TECPR2: variants seen among roughly 807,000 people sequenced by gnomAD.
TECPR2 encodes the protein tectonin beta-propeller repeat-containing protein 2.
Under a neutral mutation model 138.1 loss-of-function variants are expected in TECPR2, and 65 were observed. The ratio of observed to expected loss-of-function variants is 0.47; its 90% confidence interval spans 0.39 to 0.58. TECPR2 has a LOEUF of 0.58. Among genes scored for constraint, TECPR2 ranks in the 20% least tolerant of loss-of-function variants. TECPR2 has a pLI of 0.00. For synonymous variants in TECPR2, 746 were observed against 749.8 expected, an observed-to-expected ratio of 0.99 and a Z score of 0.08; for missense variants, 1,553 against 1,824.5, an observed-to-expected ratio of 0.85 and a Z score of 2.71.
Position 102,437,889 on chromosome 14 carries a change from G to T in TECPR2, c.2395-133G>T, listed in dbSNP as rs1430388272. On this transcript the variant is annotated intron_variant, in intron 9 of 19. Coordinates refer to ENST00000359520, the MANE Select transcript of TECPR2 (RefSeq NM_014844.5). The stretch of plus-strand genomic sequence containing the variant: ...ACAGATAGCAGGGGTTGGGAGAAGG[G>T]TTGACTTGGCGTCTTGCTGACCCGT... The T allele has an allele frequency of 7.7e-6, 8 of 1,037,732 alleles. No homozygotes were observed. In the Admixed American group the frequency reaches 1.2e-4, roughly 15 times the overall value. The allele number at this position is 1,037,732 out of a possible 1,614,324, so 64.3% of individuals were successfully genotyped here.
intron 17 of TECPR2, among the ~76,000 whole-genome samples, chr14:102,495,314 C>T (rs753912652): frequency 7.9e-5 from 12 of 152,210 alleles, no homozygotes; most frequent in African/African-American, 2.4e-4. Context: ...TGCGGAGCTG[C>T]GACCAAGTCT....
chr14:102,456,746 C>T lies in TECPR2; in HGVS notation c.3640+4119C>T, dbSNP rs983269363. Reference sequence around the variant, plus strand: ...CTGGGACTACAGGCTCCCAACACCACGCCTGGCTAATTTTTTGTATTTTTA... The same window carrying T: ...CTGGGACTACAGGCTCCCAACACCATGCCTGGCTAATTTTTTGTATTTTTA... On this transcript the variant is annotated intron_variant, in intron 16 of 19. Coordinates refer to ENST00000359520, the MANE Select transcript of TECPR2 (RefSeq NM_014844.5). Among the ~76,000 whole-genome samples the T allele has an allele frequency of 9.9e-5, 15 of 151,230 alleles. No homozygotes were observed. In the East Asian group the frequency reaches 2.0e-3, roughly 20 times the overall value.
chr14:102,398,110 A>T (rs1448426090), intron 2 of TECPR2, among the ~76,000 whole-genome samples: 5 of 151,576 alleles, frequency 3.3e-5, no homozygotes, highest in Non-Finnish European at 7.4e-5. Flanking sequence ...AAAGAAAAGA[A>T]AAAGGAAAAC....
intron 13 of TECPR2, among the ~76,000 whole-genome samples, chr14:102,447,616 C>A (rs1006882787): frequency 2.0e-5 from 3 of 151,902 alleles, no homozygotes; most frequent in African/African-American, 7.3e-5. Context: ...CTCACTGCAA[C>A]CTCCGCCTCC....
intron 2 of TECPR2, among the ~76,000 whole-genome samples, chr14:102,387,915 C>G (rs1888056450): frequency 6.6e-6 from 1 of 152,188 alleles, no homozygotes; most frequent in Admixed American, 6.6e-5. Context: ...GACCAACACA[C>G]CATACTGACA....
Position 102,438,770 on chromosome 14 carries a change from C to G in TECPR2, c.2578+565C>G, listed in dbSNP as rs555454232. The stretch of plus-strand genomic sequence containing the variant: ...CTGCTGTTAGGCCATTGTTAGTGAA[C>G]TGGAGCTGGTGTTTCCTGAACGATG... On this transcript the variant is annotated intron_variant, in intron 10 of 19. Coordinates refer to ENST00000359520, the MANE Select transcript of TECPR2 (RefSeq NM_014844.5). 2.6e-5 allele frequency among the ~76,000 whole-genome samples: 4 copies of G among 152,226 alleles called. No homozygotes were observed. In the East Asian group the frequency reaches 7.7e-4, roughly 29 times the overall value.
intron 17 of TECPR2, among the ~76,000 whole-genome samples, chr14:102,486,795 G>T (rs1457396616): frequency 6.6e-6 from 1 of 152,192 alleles, no homozygotes; most frequent in Non-Finnish European, 1.5e-5. Flanking sequence ...TGTCAGCCCT[G>T]GCTCTGAGAA....
chr14:102,474,489 T>G (rs1890714324), intron 17 of TECPR2, among the ~76,000 whole-genome samples: 1 of 151,500 alleles, frequency 6.6e-6, no homozygotes, highest in African/African-American at 2.4e-5. Context: ...CTGGGTGTGG[T>G]GGTGCATGCC....
At chr14:102,435,303 G>T in intron 9 of TECPR2, 92 bp downstream of exon 9, 1 of 1,480,356 alleles carries the variant, frequency 6.8e-7, no homozygotes, top group South Asian at 1.4e-5. Flanking sequence ...CTCATGGAAA[G>T]AAATTCTATT....
chr14:102,368,256 G>A (rs1887399729), intron 1 of TECPR2, among the ~76,000 whole-genome samples: 1 of 151,980 alleles, frequency 6.6e-6, no homozygotes, highest in Non-Finnish European at 1.5e-5. Context: ...TGATCCACCT[G>A]CGTTGGCCTC....
chr14:102,433,498 A>T (rs960232795), intron 8 of TECPR2, among the ~76,000 whole-genome samples: 2 of 148,128 alleles, frequency 1.4e-5, no homozygotes, highest in African/African-American at 5.1e-5. Context: ...CTTTATTTTT[A>T]TTTATTTATT....
At chr14:102,432,780 C>T (rs1241709306) in intron 8 of TECPR2, among the ~76,000 whole-genome samples, 3 of 151,700 alleles carry the variant, frequency 2.0e-5, no homozygotes, top group Non-Finnish European at 2.9e-5. Context: ...CCGAGGCAGG[C>T]GGATCACGAG....
intron 16 of TECPR2, among the ~76,000 whole-genome samples, chr14:102,459,172 G>T (rs181210878): frequency 3.7e-4 from 57 of 152,050 alleles, no homozygotes; most frequent in Non-Finnish European, 6.3e-4. Context: ...CTCCAGTGAT[G>T]CTCCCACATC....
Position 102,425,094 on chromosome 14 carries a change from C to G in TECPR2, c.754C>G (p.Gln252Glu), listed in dbSNP as rs147010113. ...GAAGGCTGATGTCCACGGGACTGTTCAAGCCACGTTTATCTTAAAAGATGC... is the reference window on the plus strand; with the variant it reads ...GAAGGCTGATGTCCACGGGACTGTTGAAGCCACGTTTATCTTAAAAGATGC... The part of the protein sequence containing the change: ...LWKADVHGTV[Q>E]ATFILKDAFA... Residue 252 changes from glutamine (Q) to glutamate (E), a missense_variant, in exon 6 of 20, where the codon CAA (glutamine) becomes GAA (glutamate). Gln to Glu is a conservative substitution (Grantham distance 29). Transcript: ENST00000359520. 4 of 1,614,110 alleles carry G rather than the reference C, an allele frequency of 2.5e-6. No individual in the cohort carries two copies. Among genetic ancestry groups the G allele is most frequent in the Non-Finnish European group, 3.4e-6 (4 of 1,180,034 alleles).
intron 17 of TECPR2, among the ~76,000 whole-genome samples, chr14:102,471,193 C>G (rs932223190): frequency 6.6e-6 from 1 of 151,906 alleles, no homozygotes; most frequent in South Asian, 2.1e-4. Flanking sequence ...CTCAAGTGAT[C>G]TTCCCACCTC....
chr14:102,438,297 C>A, intron 10 of TECPR2, 92 bp downstream of exon 10: 4 of 1,436,338 alleles, frequency 2.8e-6, no homozygotes, highest in Non-Finnish European at 2.8e-6. Context: ...GTACAGGGCT[C>A]CCCTGCAGCA....
intron 16 of TECPR2, among the ~76,000 whole-genome samples, chr14:102,463,416 C>CAAAAAAAAAAA (rs550694466): frequency 2.6e-5 from 1 of 38,524 alleles, no homozygotes; most frequent in Non-Finnish European, 5.6e-5. Flanking sequence ...GACTCCGTCT[C>CAAAAAAAAAAA]AAAAAAAAAA....
At chr14:102,422,401 C>T (rs976717160) in intron 5 of TECPR2, among the ~76,000 whole-genome samples, 2 of 152,186 alleles carry the variant, frequency 1.3e-5, no homozygotes, top group African/African-American at 4.8e-5. Context: ...ATCTGAGGAC[C>T]TGCTCTATGT....
intron 2 of TECPR2, 89 bp from the exon 3 acceptor site, chr14:102,407,249 G>A (rs1888682588): frequency 8.1e-6 from 12 of 1,472,922 alleles, no homozygotes; most frequent in Non-Finnish European, 1.1e-5. Flanking sequence ...GCCTGATGAA[G>A]TTTTTCACTC....
Sources: gnomAD v4.1 joint callset for allele counts (sites outside exome capture counted in the v4.1 genomes callset) on GRCh38, gnomAD v4.1.1 for gene constraint, MANE v1.5 for transcripts, NCBI Gene and HGNC (gene_info 2026-07-23, HGNC 2026-07-21) for gene names.